Variants in SGCZ observed in about 807,000 individuals in gnomAD.
SGCZ encodes the protein sarcoglycan zeta.
A neutral mutation model predicts 41.3 loss-of-function variants in SGCZ; 40 were observed. That is an observed-to-expected ratio of 0.97 (90% CI 0.75 to 1.26). SGCZ has a LOEUF of 1.26. Ranked by LOEUF, SGCZ falls within the 50% of genes most tolerant of loss-of-function variation. The pLI is 0.00. For missense variants in SGCZ, 552 were observed against 369.8 expected, an observed-to-expected ratio of 1.49 and a Z score of -4.04; for synonymous variants, 206 against 137.5, an observed-to-expected ratio of 1.50 and a Z score of -3.49.
intron 2 of SGCZ, among the ~76,000 whole-genome samples, chr8:14,434,441 A>G (rs1036662428): frequency 3.9e-5 from 6 of 151,982 alleles, no homozygotes; most frequent in African/African-American, 1.4e-4. Flanking sequence ...TCTTGCTTAG[A>G]CCATGTCGGC....
intron 2 of SGCZ, among the ~76,000 whole-genome samples, chr8:14,427,073 T>C (rs62499684): frequency 0.2 from 29,772 of 150,524 alleles, 3,639 homozygotes; most frequent in Non-Finnish European, 0.29. Context: ...AATGAGTGAA[T>C]GAACGAATGA....
chr8:14,366,943 C>T (rs1229101582), intron 2 of SGCZ, among the ~76,000 whole-genome samples: 1 of 152,152 alleles, frequency 6.6e-6, no homozygotes, highest in Non-Finnish European at 1.5e-5. Context: ...TGGAAGTTAA[C>T]ATTTGGGCTC....
rs139256175 is a variant in SGCZ, at chr8:14,336,005, T to C, written c.235-11801A>G. 2.8e-3 allele frequency among the ~76,000 whole-genome samples: 430 copies of C among 152,212 alleles called. 2 individuals carry two copies. The highest frequency in any genetic ancestry group is 6.8e-3 in the Middle Eastern group (2 of 292). On this transcript the variant is annotated intron_variant, in intron 2 of 7. Transcript: ENST00000382080. ...TCATAGGGGTTTGTTATACAGATTATCTCCTCAACAGGACTAATCCTAGTT... is the reference window on the plus strand; with the variant it reads ...TCATAGGGGTTTGTTATACAGATTACCTCCTCAACAGGACTAATCCTAGTT...
intron 1 of SGCZ, among the ~76,000 whole-genome samples, chr8:14,775,937 A>G (rs7841817): frequency 0.12 from 18,565 of 152,118 alleles, 1,748 homozygotes; most frequent in African/African-American, 0.25. Flanking sequence ...AAGGAAAAGG[A>G]AAGTGGACTC....
intron 2 of SGCZ, among the ~76,000 whole-genome samples, chr8:14,381,152 A>T (rs1241132503): frequency 6.6e-6 from 1 of 152,194 alleles, no homozygotes; most frequent in Non-Finnish European, 1.5e-5. Context: ...GATACAAAGG[A>T]TTTAGATATA....
intron 1 of SGCZ, among the ~76,000 whole-genome samples, chr8:14,702,108 G>C (rs894105971): frequency 6.6e-6 from 1 of 151,658 alleles, no homozygotes; most frequent in African/African-American, 2.4e-5. Flanking sequence ...ACAATCCCCC[G>C]CCATTTTCAA....
chr8:14,221,072 C>G (rs1471864500), intron 4 of SGCZ, among the ~76,000 whole-genome samples: 1 of 151,992 alleles, frequency 6.6e-6, no homozygotes, highest in East Asian at 1.9e-4. Context: ...AATACAGAGG[C>G]TAGGAGCCTT....
chr8:14,158,411 C>G (rs1427579695), intron 5 of SGCZ, among the ~76,000 whole-genome samples: 2 of 152,108 alleles, frequency 1.3e-5, no homozygotes, highest in African/African-American at 4.8e-5. Context: ...GCAATGTATT[C>G]CCAACAGCTA....
chr8:14,760,689 G>C (rs1028723326), intron 1 of SGCZ, among the ~76,000 whole-genome samples: 3 of 152,116 alleles, frequency 2.0e-5, no homozygotes, highest in African/African-American at 7.2e-5. Context: ...TATATTCTGT[G>C]AAAAGAACAC....
chr8:14,106,820 T>C (rs1802217891), intron 6 of SGCZ, among the ~76,000 whole-genome samples: 1 of 152,222 alleles, frequency 6.6e-6, no homozygotes, highest in Non-Finnish European at 1.5e-5. Flanking sequence ...ACTATGTGCA[T>C]CTTTCCTTTT....
At chr8:14,835,745 T>A (rs1468567112) in intron 1 of SGCZ, among the ~76,000 whole-genome samples, 1 of 152,218 alleles carries the variant, frequency 6.6e-6, no homozygotes, top group Non-Finnish European at 1.5e-5. Flanking sequence ...GCGGGCTGTG[T>A]GAATGTATTT....
At chr8:14,878,350 A>T (rs1804447724) in intron 1 of SGCZ, among the ~76,000 whole-genome samples, 2 of 152,070 alleles carry the variant, frequency 1.3e-5, no homozygotes, top group African/African-American at 4.8e-5. Context: ...TTTTGCAGAT[A>T]TATTATGCAA....
chr8:15,126,692 G>A lies in SGCZ; in HGVS notation c.39+110893C>T, dbSNP rs553289564. On this transcript the variant is annotated intron_variant, in intron 1 of 7. Coordinates refer to ENST00000382080, the MANE Select transcript of SGCZ (RefSeq NM_139167.4). ...AAATTCACCAGGACAATGAGTTGAG[G>A]CACAACAGGAAGAGTGAACAGTGTG... 5.3e-5 allele frequency among the ~76,000 whole-genome samples: 8 copies of A among 152,292 alleles called. No homozygotes were observed. In the South Asian group the frequency reaches 1.5e-3, roughly 28 times the overall value.
intron 2 of SGCZ, among the ~76,000 whole-genome samples, chr8:14,481,540 C>G (rs1326404811): frequency 6.6e-6 from 1 of 152,070 alleles, no homozygotes; most frequent in Admixed American, 6.6e-5. Flanking sequence ...TTCCTTTAGA[C>G]CCCATTATCT....
chr8:14,301,629 C>T (rs1301054808), intron 3 of SGCZ, among the ~76,000 whole-genome samples: 1 of 152,070 alleles, frequency 6.6e-6, no homozygotes, highest in African/African-American at 2.4e-5. Context: ...TACTTGCCAT[C>T]AGTTTATTTT....
intron 2 of SGCZ, among the ~76,000 whole-genome samples, chr8:14,479,243 T>C (rs528191527): frequency 1.3e-5 from 2 of 151,756 alleles, no homozygotes; most frequent in South Asian, 4.2e-4. Context: ...GGTAAACCAC[T>C]GTTGTAGGTC....
At chr8:14,885,250 G>C (rs1299619290) in intron 1 of SGCZ, among the ~76,000 whole-genome samples, 3 of 152,088 alleles carry the variant, frequency 2.0e-5, no homozygotes, top group African/African-American at 7.2e-5. Flanking sequence ...GTTTTACCTA[G>C]CATTGTATTC....
At chr8:14,663,064 A>C (rs754225667) in intron 1 of SGCZ, among the ~76,000 whole-genome samples, 2 of 152,164 alleles carry the variant, frequency 1.3e-5, no homozygotes, top group Admixed American at 6.5e-5. Context: ...AGTTCTGCCA[A>C]CAACTTGATC....
At chr8:14,457,373 G>T (rs891612327) in intron 2 of SGCZ, among the ~76,000 whole-genome samples, 1 of 152,294 alleles carries the variant, frequency 6.6e-6, no homozygotes, top group East Asian at 1.9e-4. Context: ...GTGGATCATG[G>T]TCCAGCGGTA....
Sources: allele counts gnomAD v4.1 joint callset (sites outside exome capture counted in the v4.1 genomes callset), GRCh38; gene constraint gnomAD v4.1.1; transcripts MANE v1.5; gene names NCBI Gene and HGNC (gene_info 2026-07-23, HGNC 2026-07-21).